The following SNX9 variants were observed in gnomAD, a reference collection of about 807,000 sequenced individuals.
The protein encoded by SNX9 is sorting nexin 9.
Under a neutral mutation model 89.4 loss-of-function variants are expected in SNX9, and 44 were observed. The ratio of observed to expected loss-of-function variants is 0.49; its 90% CI spans 0.39 to 0.63. SNX9 has a LOEUF of 0.63. Among genes scored for constraint, SNX9 ranks in the 30% least tolerant of loss-of-function variants. The pLI, the probability that SNX9 is intolerant of heterozygous loss-of-function variation, is 0.00. For missense variants in SNX9, 578 were observed against 736.1 expected (o/e 0.79, Z 2.49); for synonymous variants, 236 against 247.8 (o/e 0.95, Z 0.45).
chr6:157,846,321 T>C (rs756525323), intron 1 of SNX9, among the ~76,000 whole-genome samples: 6 of 152,252 alleles, frequency 3.9e-5, no homozygotes, highest in Non-Finnish European at 5.9e-5. Context: ...TGTGCTGCAT[T>C]AAAAGCCAGC....
At chr6:157,932,021 A>AT (rs1287730415) in intron 12 of SNX9, among the ~76,000 whole-genome samples, 174 bp from the exon 13 acceptor site, 2 of 152,254 alleles carry the variant, frequency 1.3e-5, no homozygotes, top group African/African-American at 4.8e-5. Flanking sequence ...GTCAATTAAA[A>AT]TAATCGAAAG....
intron 1 of SNX9, among the ~76,000 whole-genome samples, chr6:157,863,054 A>G (rs977629549): frequency 3.9e-5 from 6 of 152,230 alleles, no homozygotes; most frequent in Non-Finnish European, 8.8e-5. Flanking sequence ...TTTTTCAGAC[A>G]GACTTTCTCC....
Position 157,823,871 on chromosome 6 carries a change from G to C in SNX9, c.12+425G>C, listed in dbSNP as rs2115098109. The stretch of plus-strand genomic sequence containing the variant: ...CGTCCCCTCCCGCTGCCGCCTGGGG[G>C]ACCCTCGCCCCCGCGGGGCGGGTGG... On this transcript the variant is annotated intron_variant, in intron 1 of 17. Coordinates refer to ENST00000392185, the MANE Select transcript of SNX9 (RefSeq NM_016224.5). The surrounding 1 kb of genome is among the most constrained non-coding windows in gnomAD (Gnocchi z 4.6). Among the ~76,000 whole-genome samples, 1 of 152,142 alleles carries C rather than the reference G, an allele frequency of 6.6e-6. No individual in the cohort carries two copies. Among genetic ancestry groups the C allele is most frequent in the East Asian group, 1.9e-4 (1 of 5,136 alleles).
At chr6:157,842,856 G>A (rs1191597481) in intron 1 of SNX9, among the ~76,000 whole-genome samples, 2 of 152,264 alleles carry the variant, frequency 1.3e-5, no homozygotes, top group African/African-American at 2.4e-5. Flanking sequence ...ACATGACCCC[G>A]AAATTGTAAT....
At chr6:157,926,136 A>T (rs1325385121) in intron 10 of SNX9, among the ~76,000 whole-genome samples, 10 of 152,216 alleles carry the variant, frequency 6.6e-5, no homozygotes, top group Admixed American at 6.5e-4. Context: ...TGAATTTTGG[A>T]GGGAACACAT....
At chr6:157,855,291 G>C (rs138358094) in intron 1 of SNX9, among the ~76,000 whole-genome samples, 1 of 152,288 alleles carries the variant, frequency 6.6e-6, no homozygotes, top group East Asian at 1.9e-4. Context: ...TGATGAACTA[G>C]TCCTGCCTTT....
At chr6:157,919,515 T>A (rs973683528) in intron 9 of SNX9, among the ~76,000 whole-genome samples, 1 of 152,210 alleles carries the variant, frequency 6.6e-6, no homozygotes, top group Non-Finnish European at 1.5e-5. Context: ...ATTTTTTATT[T>A]CAATTACTAT....
chr6:157,875,687 G>A (rs964773073), intron 4 of SNX9, among the ~76,000 whole-genome samples: 6 of 152,154 alleles, frequency 3.9e-5, no homozygotes, highest in Admixed American at 6.5e-5. Context: ...ATTGCTTCCA[G>A]GAAACTTAGA....
intron 16 of SNX9, among the ~76,000 whole-genome samples, chr6:157,939,013 A>G (rs1783982509): frequency 6.6e-6 from 1 of 152,132 alleles, no homozygotes; most frequent in African/African-American, 2.4e-5. Flanking sequence ...TCCTTTTGTA[A>G]TCTGTGGTAT....
chr6:157,928,578 G>A (rs769372434), intron 11 of SNX9, 21 bp from the exon 12 acceptor site: 5 of 1,582,844 alleles, frequency 3.2e-6, no homozygotes, highest in South Asian at 1.2e-5. Flanking sequence ...TTATGTGACT[G>A]ACGGCCGCCT....
At chr6:157,856,971 A>G (rs1782026223) in intron 1 of SNX9, among the ~76,000 whole-genome samples, 1 of 152,188 alleles carries the variant, frequency 6.6e-6, no homozygotes, top group African/African-American at 2.4e-5. Flanking sequence ...ATCAGCTGAA[A>G]TGCTTGTAAA....
At chr6:157,911,672 G>A (rs1253978807) in intron 9 of SNX9, among the ~76,000 whole-genome samples, 1 of 152,136 alleles carries the variant, frequency 6.6e-6, no homozygotes, top group African/African-American at 2.4e-5. Context: ...AGCTTACTCT[G>A]TTTCTGTTAA....
intron 12 of SNX9, among the ~76,000 whole-genome samples, 154 bp from the exon 13 acceptor site, chr6:157,932,041 G>A (rs1486417405): frequency 6.6e-6 from 1 of 152,004 alleles, no homozygotes; most frequent in Non-Finnish European, 1.5e-5. Flanking sequence ...GAAATCAATT[G>A]AAAAAACAAT....
intron 1 of SNX9, among the ~76,000 whole-genome samples, chr6:157,866,572 T>C (rs1782267049): frequency 6.6e-6 from 1 of 152,166 alleles, no homozygotes; most frequent in Admixed American, 6.5e-5. Flanking sequence ...AAACTCTGTC[T>C]GGAAAAATAA....
chr6:157,864,079 A>G (rs1292879439), intron 1 of SNX9, among the ~76,000 whole-genome samples: 1 of 152,154 alleles, frequency 6.6e-6, no homozygotes, highest in Non-Finnish European at 1.5e-5. Flanking sequence ...TAAAGAACAG[A>G]ATTTATTCCT....
intron 9 of SNX9, among the ~76,000 whole-genome samples, chr6:157,917,893 C>T (rs974780443): frequency 1.3e-5 from 2 of 152,062 alleles, no homozygotes; most frequent in Admixed American, 1.3e-4. Context: ...ATACAGAGAA[C>T]CAACTCTATG....
chr6:157,835,843 A>T (rs1781571945), intron 1 of SNX9, among the ~76,000 whole-genome samples: 1 of 152,088 alleles, frequency 6.6e-6, no homozygotes, highest in Non-Finnish European at 1.5e-5. Context: ...TGTATAAATT[A>T]CCCAGTCTTG....
At chr6:157,937,110 C>G (rs1322812297) in intron 14 of SNX9, among the ~76,000 whole-genome samples, 1 of 152,194 alleles carries the variant, frequency 6.6e-6, no homozygotes, top group Admixed American at 6.5e-5. Context: ...AGTTAAACTA[C>G]AACAACTCAT....
At chr6:157,873,697 A>G (rs1019407577) in intron 3 of SNX9, among the ~76,000 whole-genome samples, 22 of 151,686 alleles carry the variant, frequency 1.5e-4, no homozygotes, top group African/African-American at 5.1e-4. Flanking sequence ...TATTGCTGCC[A>G]TCTATAATAT....
Sources: gnomAD v4.1 joint callset for allele counts (sites outside exome capture counted in the v4.1 genomes callset) on GRCh38, gnomAD v4.1.1 for gene constraint, Gnocchi (gnomAD v3.1) non-coding constraint, MANE v1.5 for transcripts, NCBI Gene and HGNC (gene_info 2026-07-23, HGNC 2026-07-21) for gene names.